The following RAET1E variants were observed in gnomAD, a reference collection of about 807,000 sequenced individuals.
RAET1E encodes NKG2D ligand 4.
A neutral mutation model predicts 21.1 loss-of-function variants in RAET1E; 27 were observed. The observed-to-expected ratio is 1.28, with a 90% CI of 0.94 to 1.76. The LOEUF (loss-of-function observed/expected upper bound fraction) is 1.76, where lower values mean the gene tolerates loss of function less well. Ranked by LOEUF, RAET1E falls within the 40% of genes most tolerant of loss-of-function variation. The pLI, the probability that RAET1E is intolerant of heterozygous loss-of-function variation, is 0.00. For missense variants in RAET1E, 310 were observed against 311.3 expected, an observed-to-expected ratio of 1.00 and a Z score of 0.03; for synonymous variants, 113 against 115.0, an observed-to-expected ratio of 0.98 and a Z score of 0.11.
chr6:149,884,553 A>C lies in RAET1E; in HGVS notation c.*3945T>G. On this transcript the variant is annotated 3_prime_UTR_variant, in exon 6 of 6. Transcript: ENST00000357183. ...GCAGAACCCTGGGTCAGATCAGCTC[A>C]GGATTGACCCCTCCGTGATCTCTCA... 1 of 1,512,324 alleles carries C rather than the reference A, an allele frequency of 6.6e-7. No individual in the cohort carries two copies. Among genetic ancestry groups the C allele is most frequent in the Non-Finnish European group, 8.9e-7 (1 of 1,125,552 alleles). 93.7% of individuals were successfully genotyped at this position (1,512,324 alleles called of 1,614,324 possible).
Position 149,888,669 on chromosome 6 carries a change from T to TCAAAAAAA in RAET1E, c.623-3_623-2insTTTTTTTG. On this transcript the variant is annotated splice_polypyrimidine_tract_variant and splice_region_variant and intron_variant, in intron 5 of 5. Coordinates refer to ENST00000357183, the MANE Select transcript of RAET1E (RefSeq NM_001394057.1). The stretch of plus-strand genomic sequence containing the variant: ...TATCTGAAGCATTTACTGGTGACAC[T>TCAAAAAAA]AAAAAAAAAAAAAAAAAGAAAAAAA... The TCAAAAAAA allele has an allele frequency of 7.5e-7, 1 of 1,336,472 alleles. No individual in the cohort carries two copies. The highest frequency in any genetic ancestry group is 2.0e-5 in the African/African-American group (1 of 49,964). 82.8% of individuals were successfully genotyped at this position (1,336,472 alleles called of 1,614,324 possible).
Position 149,893,468 on chromosome 6 carries a change from G to A in RAET1E, c.-134+2378C>T, listed in dbSNP as rs565123377. On this transcript the variant is annotated intron_variant, in intron 2 of 5. Coordinates refer to ENST00000357183, the MANE Select transcript of RAET1E (RefSeq NM_001394057.1). ...ATTTTATTCTCTTTGTAGCAATTGT[G>A]AATGGGACTTCACTCATGATTTGGC... is the stretch of plus-strand genomic sequence containing the variant. Among the ~76,000 whole-genome samples the A allele has an allele frequency of 2.0e-5, 3 of 151,654 alleles. No individual in the cohort carries two copies. In the East Asian group the frequency reaches 6.1e-4, roughly 31 times the overall value.
intron 2 of RAET1E, among the ~76,000 whole-genome samples, chr6:149,891,465 C>G (rs895453267): frequency 4.8e-5 from 7 of 146,528 alleles, no homozygotes; most frequent in Admixed American, 1.3e-4. Flanking sequence ...AGCAAGTGGT[C>G]TACCATGACA....
In RAET1E at chr6:149,883,314, T is replaced by C. The variant is rs1777476101; in HGVS notation, c.*5184A>G. 1 of 152,186 alleles carries C rather than the reference T, an allele frequency of 6.6e-6. No homozygotes were observed. Among genetic ancestry groups the C allele is most frequent in the Admixed American group, 6.5e-5 (1 of 15,280 alleles). 9.4% of individuals were successfully genotyped at this position (152,186 alleles called of 1,614,324 possible). On this transcript the variant is annotated 3_prime_UTR_variant, in exon 6 of 6. Coordinates refer to ENST00000357183, the MANE Select transcript of RAET1E (RefSeq NM_001394057.1). ...ATATTACATTTATTTAGAAACATGTTTGGTGTGTCTATTTTAAAGTAAAAT... is the reference window on the plus strand; with the variant it reads ...ATATTACATTTATTTAGAAACATGTCTGGTGTGTCTATTTTAAAGTAAAAT...
In RAET1E at chr6:149,889,909, T is replaced by A; in HGVS notation, c.322A>T (p.Ile108Phe). 6.2e-7 allele frequency: 1 copy of A among 1,613,846 alleles called. No homozygotes were observed. Among genetic ancestry groups the A allele is most frequent in the Admixed American group, 1.7e-5 (1 of 60,002 alleles). The change falls in exon 4 of 6, where the codon ATC becomes TTC. Residue 108 changes from isoleucine (I) to phenylalanine (F), a missense_variant. Coordinates refer to ENST00000357183, the MANE Select transcript of RAET1E (RefSeq NM_001394057.1). Reference protein sequence around the residue: ...GRDLRMLLCDIKPQIKTSDPS... With the variant: ...GRDLRMLLCDFKPQIKTSDPS... ...CCACTGGTCTTTATCTGGGGTTTGA[T>A]GTCACAAAGGAGCATCCTGAGGTCT...
chr6:149,897,503 G>A (rs1275739464), intron 1 of RAET1E, among the ~76,000 whole-genome samples: 1 of 152,204 alleles, frequency 6.6e-6, no homozygotes, highest in African/African-American at 2.4e-5. Flanking sequence ...CTGAAAATGA[G>A]TCACAGCCTT....
In RAET1E at chr6:149,887,880, G is replaced by C. The variant is rs757425823; in HGVS notation, c.*618C>G. On this transcript the variant is annotated 3_prime_UTR_variant, in exon 6 of 6. Transcript: ENST00000357183. ...GGCGGAGAAACAGGACCAAAGAGCA[G>C]AAGATGTCTGGCAATGTGTCTGGCA... 6.6e-6 allele frequency among the ~76,000 whole-genome samples: 1 copy of C among 152,304 alleles called. No individual in the cohort carries two copies. Among genetic ancestry groups the C allele is most frequent in the Non-Finnish European group, 1.5e-5 (1 of 68,024 alleles).
rs775615655 is a variant in RAET1E at position 149,889,328 on chromosome 6, C to T, written c.622+20G>A. 6.2e-7 allele frequency: 1 copy of T among 1,613,188 alleles called. No individual in the cohort carries two copies. The highest frequency in any genetic ancestry group is 1.1e-5 in the South Asian group (1 of 90,994). ...GACCTTTAAAGGGAGCTGCCACATT[C>T]TCCCACCCAGCTCAGTTACCTGTCG... On this transcript the variant is annotated intron_variant, in intron 5 of 5. Coordinates refer to ENST00000357183, the MANE Select transcript of RAET1E (RefSeq NM_001394057.1).
chr6:149,889,858 T>C (rs6939761), intron 4 of RAET1E, 27 bp downstream of exon 4: 671,602 of 1,599,758 alleles, frequency 0.42, 147,073 homozygotes, highest in East Asian at 0.87. Context: ...TGCCTGCCTC[T>C]GTTTGCCCAC....
At position 149,884,224 on chromosome 6, in the gene RAET1E, T is replaced by C. The variant is rs1777510941; in HGVS notation, c.*4274A>G. ...GATTCCTGGGCTCAAGTGATCCTCC[T>C]GCCTAGGCCTCCCAAAGTGTTGGGA... On this transcript the variant is annotated 3_prime_UTR_variant, in exon 6 of 6. Coordinates refer to ENST00000357183, the MANE Select transcript of RAET1E (RefSeq NM_001394057.1). 2 of 436,160 alleles carry C rather than the reference T, an allele frequency of 4.6e-6. No homozygotes were observed. The highest frequency in any genetic ancestry group is 7.1e-5 in the East Asian group (2 of 28,332). The allele number at this position is 436,160 out of a possible 1,614,324, so 27.0% of individuals were successfully genotyped here.
In RAET1E at chr6:149,886,665, G is replaced by T. The variant is rs1024933616; in HGVS notation, c.*1833C>A. Among the ~76,000 whole-genome samples the T allele has an allele frequency of 6.6e-6, 1 of 152,192 alleles. No homozygotes were observed. Among genetic ancestry groups the T allele is most frequent in the Non-Finnish European group, 1.5e-5 (1 of 68,038 alleles). On this transcript the variant is annotated 3_prime_UTR_variant, in exon 6 of 6. Coordinates refer to ENST00000357183, the MANE Select transcript of RAET1E (RefSeq NM_001394057.1). The stretch of plus-strand genomic sequence containing the variant: ...CCAACTTGGCCTCCCAAAGTGCTGG[G>T]ATTACAGGAGTGAGCTATCACGCCC...
rs1391222305 is a variant in RAET1E at position 149,883,812 on chromosome 6, T to C, written c.*4686A>G. ...GTACTTTATTCCAATGCAAATGATG[T>C]ATTAGGGAAGAATTTCAGTGTAATG... is the stretch of plus-strand genomic sequence containing the variant. On this transcript the variant is annotated 3_prime_UTR_variant, in exon 6 of 6. Transcript: ENST00000357183. The C allele has an allele frequency of 6.5e-6, 1 of 152,694 alleles. No homozygotes were observed. Among genetic ancestry groups the C allele is most frequent in the Non-Finnish European group, 1.5e-5 (1 of 68,396 alleles). The allele number at this position is 152,694 out of a possible 1,614,324, so 9.5% of individuals were successfully genotyped here. A position where few individuals can be genotyped will look rare whatever the true frequency, so the allele number is the denominator to read the frequency against.
At position 149,888,521 on chromosome 6, in the gene RAET1E, G is replaced by C; in HGVS notation, c.769C>G (p.Leu257Val). The stretch of plus-strand genomic sequence containing the variant: ...GACTAAGACGTCCTCAAGGGCCAGA[G>C]ACCAGCCTGCCACTCACCATTTTGC... Reference protein sequence around the residue: ...WWQNGEWQAGLWPLRTS With the variant: ...WWQNGEWQAGVWPLRTS The change falls in exon 6 of 6, where the codon CTC (leucine) becomes GTC (valine). Residue 257 changes from leucine to valine, a missense_variant. Leu to Val is a conservative substitution (Grantham distance 32). Coordinates refer to ENST00000357183, the MANE Select transcript of RAET1E (RefSeq NM_001394057.1). The C allele has an allele frequency of 6.2e-7, 1 of 1,613,262 alleles. No homozygotes were observed.
chr6:149,892,805 C>A (rs1359043082), intron 2 of RAET1E, among the ~76,000 whole-genome samples: 1 of 152,068 alleles, frequency 6.6e-6, no homozygotes, highest in East Asian at 1.9e-4. Context: ...AATGGTATTG[C>A]CCGGGTTTTC....
rs61252315 is a variant in RAET1E at position 149,897,773 on chromosome 6, G to A, written c.-321+248C>T. Among the ~76,000 whole-genome samples, 739 of 152,232 alleles carry A rather than the reference G, an allele frequency of 4.9e-3. 8 individuals carry two copies. The highest frequency in any genetic ancestry group is 0.017 in the African/African-American group (719 of 41,550). ...AGAGGGGCGATTGGGACTCCAGACT[G>A]GAAGGAGGCACGGATCCCTGAGTGC... is the stretch of plus-strand genomic sequence containing the variant. On this transcript the variant is annotated intron_variant, in intron 1 of 5. Transcript: ENST00000357183.
In RAET1E at chr6:149,888,260, G is replaced by A. The variant is rs1462028358; in HGVS notation, c.*238C>T. 1 of 705,506 alleles carries A rather than the reference G, an allele frequency of 1.4e-6. No homozygotes were observed. The highest frequency in any genetic ancestry group is 1.5e-5 in the South Asian group (1 of 68,476). The allele number at this position is 705,506 out of a possible 1,614,324, so 43.7% of individuals were successfully genotyped here. ...TCCGTCAAAGAGCTGGATGAAACCT[G>A]GGCCGGATGGCAAGGAGACAACACC... On this transcript the variant is annotated 3_prime_UTR_variant, in exon 6 of 6. Coordinates refer to ENST00000357183, the MANE Select transcript of RAET1E (RefSeq NM_001394057.1).
intron 4 of RAET1E, 52 bp from the exon 5 acceptor site, chr6:149,889,675 T>A: frequency 6.3e-7 from 1 of 1,593,604 alleles, no homozygotes; most frequent in African/African-American, 1.3e-5. Flanking sequence ...AAGTCCATCA[T>A]CCTCCAATAG....
At position 149,889,345 on chromosome 6, in the gene RAET1E, T is replaced by C. The variant is rs1346797581; in HGVS notation, c.622+3A>G. 1 of 1,614,004 alleles carries C rather than the reference T, an allele frequency of 6.2e-7. No homozygotes were observed. Among genetic ancestry groups the C allele is most frequent in the Non-Finnish European group, 8.5e-7 (1 of 1,179,970 alleles). ...GCCACATTCTCCCACCCAGCTCAGT[T>C]ACCTGTCGGTTCTGGCATTGCCTCC... On this transcript the variant is annotated splice_donor_region_variant and intron_variant, in intron 5 of 5. Transcript: ENST00000357183.
chr6:149,897,534 G>A (rs1428410047), intron 1 of RAET1E, among the ~76,000 whole-genome samples: 1 of 152,152 alleles, frequency 6.6e-6, no homozygotes, highest in Non-Finnish European at 1.5e-5. Flanking sequence ...TGTGCCCTGG[G>A]CTTCTAACCG....
Sources: allele counts gnomAD v4.1 joint callset (sites outside exome capture counted in the v4.1 genomes callset), GRCh38; gene constraint gnomAD v4.1.1; transcripts MANE v1.5; gene names NCBI Gene and HGNC (gene_info 2026-07-23, HGNC 2026-07-21).